PRSS12: variants seen among roughly 807,000 people sequenced by gnomAD.
The protein encoded by PRSS12 is serine protease 12.
PRSS12 carries 85 observed loss-of-function variants against 104.4 expected under a neutral mutation model. The ratio of observed to expected loss-of-function variants is 0.81; its 90% CI spans 0.68 to 0.98. The LOEUF (loss-of-function observed/expected upper bound fraction) is 0.98. Ranked by LOEUF, PRSS12 falls within the 50% of genes least tolerant of loss-of-function variation. The pLI is 0.00. For missense variants in PRSS12, 1,141 were observed against 1,139.2 expected, an observed-to-expected ratio of 1.00 and a Z score of -0.02; for synonymous variants, 454 against 425.2, an observed-to-expected ratio of 1.07 and a Z score of -0.83.
intron 5 of PRSS12, among the ~76,000 whole-genome samples, chr4:118,316,837 A>AAAAAAAAAATATAT (rs35698159): frequency 5.0e-5 from 5 of 99,192 alleles, no homozygotes; most frequent in African/African-American, 1.7e-4. Flanking sequence ...AAAAAAAAAA[A>AAAAAAAAAATATAT]ATATATATAT....
At position 118,331,792 on chromosome 4, in the gene PRSS12, C is replaced by A; in HGVS notation, c.895G>T (p.Gly299Cys). Residue 299 changes from glycine to cysteine, a missense_variant, in exon 4 of 13, where the codon GGC becomes TGC. Gly to Cys is a radical substitution (Grantham distance 159, BLOSUM62 -3). Transcript: ENST00000296498. ...TCATCACAAACGGTTCCCCACTGGC[C>A]AGCATGGTAGAGCTCCACCCGGCCT... ...HEGRVELYHA[G>C]QWGTVCDDQW... 3 of 1,614,162 alleles carry A rather than the reference C, an allele frequency of 1.9e-6. No homozygotes were observed. The highest frequency in any genetic ancestry group is 2.5e-6 in the Non-Finnish European group (3 of 1,180,020).
rs1222023073 is a variant in PRSS12, at chr4:118,294,885, G to A, written c.2039+54C>T. On this transcript the variant is annotated intron_variant, in intron 11 of 12. Coordinates refer to ENST00000296498, the MANE Select transcript of PRSS12 (RefSeq NM_003619.4). Reference sequence around the variant, plus strand: ...AGTGCTGTAGAGCATGAGGGGATTGGAAGAACTGATGAATAGAAGCTACAC... The same window carrying A: ...AGTGCTGTAGAGCATGAGGGGATTGAAAGAACTGATGAATAGAAGCTACAC... The A allele has an allele frequency of 4.3e-6, 7 of 1,609,822 alleles. No individual in the cohort carries two copies. The East Asian group carries it at 1.6e-4, about 36-fold the overall frequency.
chr4:118,343,151 G>T (rs796412755), intron 1 of PRSS12, among the ~76,000 whole-genome samples: 4 of 152,272 alleles, frequency 2.6e-5, no homozygotes, highest in African/African-American at 9.6e-5. Flanking sequence ...CACTTTGGGA[G>T]GCCAAGGCAG....
At chr4:118,323,377 G>A (rs1338166939) in intron 4 of PRSS12, among the ~76,000 whole-genome samples, 2 of 151,874 alleles carry the variant, frequency 1.3e-5, no homozygotes, top group South Asian at 2.1e-4. Context: ...AAGGAAACCT[G>A]AGACCAATAC....
chr4:118,317,841 G>A (rs781707190), intron 5 of PRSS12, among the ~76,000 whole-genome samples: 7 of 152,004 alleles, frequency 4.6e-5, no homozygotes, highest in Non-Finnish European at 8.8e-5. Flanking sequence ...CCCTAAACAT[G>A]TAAGTACATA....
At chr4:118,349,416 A>AAT (rs1334326833) in intron 1 of PRSS12, among the ~76,000 whole-genome samples, 1 of 151,888 alleles carries the variant, frequency 6.6e-6, no homozygotes, top group East Asian at 1.9e-4. Flanking sequence ...AAAAAAAAAA[A>AAT]ACAAAGAAAA....
chr4:118,292,692 C>T (rs764978623), intron 11 of PRSS12, among the ~76,000 whole-genome samples: 6 of 151,982 alleles, frequency 3.9e-5, no homozygotes, highest in Non-Finnish European at 8.8e-5. Flanking sequence ...TGTGTTAAAC[C>T]CACTAGTAAA....
At chr4:118,286,102 G>A (rs945551567) in intron 11 of PRSS12, among the ~76,000 whole-genome samples, 6 of 152,058 alleles carry the variant, frequency 3.9e-5, no homozygotes, top group South Asian at 2.1e-4. Flanking sequence ...TGCAGTAGTC[G>A]CCTGAATGGA....
intron 8 of PRSS12, among the ~76,000 whole-genome samples, chr4:118,300,829 T>C (rs985985799): frequency 6.6e-6 from 1 of 152,100 alleles, no homozygotes; most frequent in Admixed American, 6.5e-5. Flanking sequence ...AAATAAGTAA[T>C]CTGTTTTTAA....
intron 7 of PRSS12, among the ~76,000 whole-genome samples, chr4:118,309,717 A>C (rs1246654806): frequency 6.6e-6 from 1 of 152,252 alleles, no homozygotes; most frequent in Non-Finnish European, 1.5e-5. Flanking sequence ...TAGGGAATAC[A>C]ATAAAGCATG....
chr4:118,295,143 A>C, intron 10 of PRSS12, 82 bp from the exon 11 acceptor site: 1 of 1,519,594 alleles, frequency 6.6e-7, no homozygotes, highest in Non-Finnish European at 9.0e-7. Flanking sequence ...AATGGCTTTA[A>C]TAACTTTAAT....
At chr4:118,329,599 GCT>G (rs1257202556) in intron 4 of PRSS12, among the ~76,000 whole-genome samples, 2 of 152,104 alleles carry the variant, frequency 1.3e-5, no homozygotes, top group Non-Finnish European at 2.9e-5. Flanking sequence ...AGTGTTTGGT[GCT>G]CTGTCATTAC....
intron 4 of PRSS12, among the ~76,000 whole-genome samples, chr4:118,328,494 A>G (rs1723836911): frequency 6.6e-6 from 1 of 152,166 alleles, no homozygotes; most frequent in African/African-American, 2.4e-5. Flanking sequence ...TAGGTAACTG[A>G]TTATCCTTGT....
At chr4:118,318,640 T>C (rs1225864459) in intron 4 of PRSS12, 84 bp from the exon 5 acceptor site, 5 of 1,316,208 alleles carry the variant, frequency 3.8e-6, no homozygotes, top group African/African-American at 2.9e-5. Flanking sequence ...AGTAAAAGCA[T>C]TATTATTAAT....
At chr4:118,290,869 T>C (rs1743111030) in intron 11 of PRSS12, among the ~76,000 whole-genome samples, 1 of 152,084 alleles carries the variant, frequency 6.6e-6, no homozygotes, top group Non-Finnish European at 1.5e-5. Flanking sequence ...ATTTCTATTA[T>C]TACAATAATC....
chr4:118,308,663 C>A (rs1560772545), intron 7 of PRSS12, 86 bp from the exon 8 acceptor site: 22 of 1,528,466 alleles, frequency 1.4e-5, no homozygotes, highest in Non-Finnish European at 4.5e-6. Context: ...CACAATTGTT[C>A]TTTTTAATCA....
intron 8 of PRSS12, among the ~76,000 whole-genome samples, chr4:118,306,642 C>T (rs1743560979): frequency 6.6e-6 from 1 of 152,074 alleles, no homozygotes; most frequent in African/African-American, 2.4e-5. Context: ...AGGGATCTGC[C>T]CCCATGATCC....
At chr4:118,300,979 C>T (rs986548420) in intron 8 of PRSS12, among the ~76,000 whole-genome samples, 1 of 151,980 alleles carries the variant, frequency 6.6e-6, no homozygotes, top group African/African-American at 2.4e-5. Flanking sequence ...ATACATAAAT[C>T]TTTGTGGGCA....
At position 118,323,542 on chromosome 4, in the gene PRSS12, AAAG is replaced by A. The variant is rs1560778783; in HGVS notation, c.972-4989_972-4987del. On this transcript the variant is annotated intron_variant, in intron 4 of 12. Coordinates refer to ENST00000296498, the MANE Select transcript of PRSS12 (RefSeq NM_003619.4). ...AGGAGGAGGGAGGGAGGGAAGGAAGAAAGAAAAGAAAACTAAAAAGTTACTAGA... is the reference window on the plus strand; with the variant it reads ...AGGAGGAGGGAGGGAGGGAAGGAAGAAAAAGAAAACTAAAAAGTTACTAGA... Among the ~76,000 whole-genome samples, 17 of 151,978 alleles carry A rather than the reference AAAG, an allele frequency of 1.1e-4. No homozygotes were observed. The South Asian group carries it at 3.5e-3, about 31-fold the overall frequency.
Sources: allele counts gnomAD v4.1 joint callset (sites outside exome capture counted in the v4.1 genomes callset), GRCh38; gene constraint gnomAD v4.1.1; transcripts MANE v1.5; gene names NCBI Gene and HGNC (gene_info 2026-07-23, HGNC 2026-07-21).